Variants in PDK1 observed in about 807,000 individuals in gnomAD.
PDK1 encodes the protein pyruvate dehydrogenase kinase 1, also known as [Pyruvate dehydrogenase (acetyl-transferring)] kinase isozyme 1, mitochondrial.
PDK1 carries 39 observed loss-of-function variants against 54.2 expected under a neutral mutation model. The ratio of observed to expected loss-of-function variants is 0.72; its 90% CI spans 0.56 to 0.94. The LOEUF (loss-of-function observed/expected upper bound fraction) is 0.94. PDK1 is among the 40% of genes least tolerant of loss of function. PDK1 has a pLI of 0.00. For missense variants in PDK1, 552 were observed against 566.0 expected (o/e 0.98, Z 0.25); for synonymous variants, 221 against 207.1 (o/e 1.07, Z -0.58).
At chr2:172,672,108 A>G in the PDK1 span, among the ~76,000 whole-genome samples, 16 of 152,288 alleles carry the variant, frequency 1.1e-4, no homozygotes, top group Non-Finnish European at 8.8e-5. Flanking sequence ...TATTCTTGCA[A>G]TGTTTGTAGG....
Position 172,606,928 on chromosome 2 carries a change from C to T in PDK1, c.*10959C>T, listed in dbSNP as rs1691318018. 1 of 152,078 alleles carries T rather than the reference C, an allele frequency of 6.6e-6. No homozygotes were observed. The highest frequency in any genetic ancestry group is 6.6e-5 in the Admixed American group (1 of 15,252). The allele number at this position is 152,078 out of a possible 1,614,324, so 9.4% of individuals were successfully genotyped here. ...AAACAGTGGTAGTTTCTCTATCATG[C>T]CACTTTTGTAGCATGCTTTGGGGTC... On this transcript the variant is annotated 3_prime_UTR_variant, in exon 11 of 11. Coordinates refer to ENST00000282077, the MANE Select transcript of PDK1 (RefSeq NM_002610.5).
chr2:172,701,648 GTTTTTTTTTTTT>G, the PDK1 span, among the ~76,000 whole-genome samples: 1 of 124,868 alleles, frequency 8.0e-6, no homozygotes, highest in African/African-American at 3.1e-5. Flanking sequence ...TTTTTGTTTT[GTTTTTTTTTTTT>G]TTTGGAACAT....
At chr2:172,690,565 G>A in the PDK1 span, among the ~76,000 whole-genome samples, 15 of 149,820 alleles carry the variant, frequency 1.0e-4, no homozygotes, top group African/African-American at 1.7e-4. Context: ...TGTTTACTGC[G>A]GCACTGTTCA....
the PDK1 span, among the ~76,000 whole-genome samples, chr2:172,625,600 A>G: frequency 6.6e-6 from 1 of 152,122 alleles, no homozygotes; most frequent in Non-Finnish European, 1.5e-5. Flanking sequence ...CTGTGTAAAT[A>G]TTCCTTTATC....
chr2:172,690,823 G>A, the PDK1 span, among the ~76,000 whole-genome samples: 9 of 146,976 alleles, frequency 6.1e-5, no homozygotes, highest in African/African-American at 2.2e-4. Flanking sequence ...GACACAGGGT[G>A]GGGAACATCA....
At chr2:172,641,274 G>A in the PDK1 span, among the ~76,000 whole-genome samples, 2 of 151,738 alleles carry the variant, frequency 1.3e-5, no homozygotes, top group African/African-American at 4.8e-5. Flanking sequence ...CTATAGGCAC[G>A]AATCATCACC....
the PDK1 span, among the ~76,000 whole-genome samples, chr2:172,668,005 C>T: frequency 2.0e-5 from 3 of 152,270 alleles, no homozygotes; most frequent in Non-Finnish European, 2.9e-5. Flanking sequence ...CAATAATAAA[C>T]GTTAGGTAAT....
the PDK1 span, among the ~76,000 whole-genome samples, chr2:172,673,968 G>A: frequency 6.6e-6 from 1 of 152,204 alleles, no homozygotes; most frequent in African/African-American, 2.4e-5. Context: ...ACAAGCCTGC[G>A]TTAAGTTTGA....
downstream of PDK1, among the ~76,000 whole-genome samples, chr2:172,612,476 T>G (rs938675051): frequency 4.0e-5 from 6 of 151,544 alleles, no homozygotes; most frequent in African/African-American, 4.9e-5. Flanking sequence ...GAAGGTTTGT[T>G]TTTTTTTTAA....
chr2:172,649,630 G>T, the PDK1 span, among the ~76,000 whole-genome samples: 1 of 152,186 alleles, frequency 6.6e-6, no homozygotes, highest in African/African-American at 2.4e-5. Context: ...AAAGAGCGTA[G>T]AGAAGTCCTT....
the PDK1 span, among the ~76,000 whole-genome samples, chr2:172,625,201 A>G: frequency 6.6e-6 from 1 of 152,140 alleles, no homozygotes; most frequent in African/African-American, 2.4e-5. Flanking sequence ...GTTAGCATCA[A>G]TGATTCTGAC....
chr2:172,566,826 C>G (rs1688979568), intron 5 of PDK1, 30 bp from the exon 6 acceptor site: 1 of 1,440,896 alleles, frequency 6.9e-7, no homozygotes, highest in Admixed American at 1.7e-5. Context: ...TTTATTAAAT[C>G]CTTTTTTGTT....
intron 8 of PDK1, among the ~76,000 whole-genome samples, chr2:172,583,631 A>G (rs1272335764): frequency 1.3e-5 from 2 of 152,016 alleles, no homozygotes. Context: ...TTTATTATTG[A>G]TAGTGTAATT....
chr2:172,643,771 G>A, the PDK1 span, among the ~76,000 whole-genome samples: 1 of 152,228 alleles, frequency 6.6e-6, no homozygotes. Context: ...CTGCCCCACC[G>A]TGAGAAACTC....
chr2:172,610,461 T>A (rs1691427433), downstream of PDK1, among the ~76,000 whole-genome samples: 3 of 152,096 alleles, frequency 2.0e-5, no homozygotes, highest in Non-Finnish European at 4.4e-5. Context: ...AAACACCGCA[T>A]CTTTTCTTTT....
At chr2:172,701,643 GTTTTGTT>G in the PDK1 span, among the ~76,000 whole-genome samples, 12 of 47,414 alleles carry the variant, frequency 2.5e-4, no homozygotes, top group South Asian at 6.7e-4. Context: ...TTTTTTTTTT[GTTTTGTT>G]TTTTTTTTTT....
At chr2:172,675,159 C>G in the PDK1 span, among the ~76,000 whole-genome samples, 1 of 152,170 alleles carries the variant, frequency 6.6e-6, no homozygotes, top group Non-Finnish European at 1.5e-5. Flanking sequence ...TCTTCTCTCT[C>G]TCACTCTCTC....
intron 1 of PDK1, among the ~76,000 whole-genome samples, chr2:172,557,610 CGTGTGTGTGTGTGTGTGT>C (rs55753852): frequency 7.0e-5 from 10 of 142,020 alleles, no homozygotes; most frequent in East Asian, 2.1e-4. Flanking sequence ...TCTTTTTTCC[CGTGTGTGTGTGTGTGTGT>C]GTGTGTGTGT....
Position 172,600,860 on chromosome 2 carries a change from C to T in PDK1, c.*4891C>T, listed in dbSNP as rs1322504427. ...TCTATGTTGTCTTCGTCCAGCTTATCTGGAAGGGAGAGTTTCTCTGTCTGT... is the reference window on the plus strand; with the variant it reads ...TCTATGTTGTCTTCGTCCAGCTTATTTGGAAGGGAGAGTTTCTCTGTCTGT... On this transcript the variant is annotated 3_prime_UTR_variant, in exon 11 of 11. Transcript: ENST00000282077. 1 of 152,180 alleles carries T rather than the reference C, an allele frequency of 6.6e-6. No homozygotes were observed. Among genetic ancestry groups the T allele is most frequent in the African/African-American group, 2.4e-5 (1 of 41,432 alleles). 9.4% of individuals were successfully genotyped at this position (152,180 alleles called of 1,614,324 possible).
Sources: allele counts gnomAD v4.1 joint callset (sites outside exome capture counted in the v4.1 genomes callset), GRCh38; gene constraint gnomAD v4.1.1; transcripts MANE v1.5; gene names NCBI Gene and HGNC (gene_info 2026-07-23, HGNC 2026-07-21).